SNAPC1: variants seen among roughly 807,000 people sequenced by gnomAD.
SNAPC1 encodes the protein small nuclear RNA activating complex polypeptide 1, also known as snRNA-activating protein complex subunit 1.
In SNAPC1, 42 loss-of-function variants were observed where a neutral mutation model predicts 50.1. The ratio of observed to expected loss-of-function variants is 0.84; its 90% CI spans 0.65 to 1.08. The LOEUF (loss-of-function observed/expected upper bound fraction) is 1.08. Ranked by LOEUF, SNAPC1 falls within the 50% of genes least tolerant of loss-of-function variation. SNAPC1 has a pLI of 0.00. For synonymous variants in SNAPC1, 164 were observed against 144.2 expected, an observed-to-expected ratio of 1.14 and a Z score of -0.98; for missense variants, 477 against 427.3, an observed-to-expected ratio of 1.12 and a Z score of -1.02.
At position 61,776,217 on chromosome 14, in the gene SNAPC1, A is replaced by G. The variant is rs776317462; in HGVS notation, c.657A>G (p.Ile219Met). Residue 219 changes from isoleucine (I) to methionine (M), a missense_variant, in exon 5 of 10, where the codon ATA (isoleucine) becomes ATG (methionine). By Grantham distance (10) the Ile-to-Met change is conservative. Coordinates refer to ENST00000216294, the MANE Select transcript of SNAPC1 (RefSeq NM_003082.4). ...KDDFFDNIKN[I>M]VLEHQQWHKD... ...ATTTTTTTGACAATATTAAGAACATAGTTTTGGAGCATCAGCAGTGGCACA... is the reference window on the plus strand; with the variant it reads ...ATTTTTTTGACAATATTAAGAACATGGTTTTGGAGCATCAGCAGTGGCACA... 6.2e-6 allele frequency: 10 copies of G among 1,613,126 alleles called. No homozygotes were observed. The South Asian group carries it at 7.7e-5, about 12-fold the overall frequency.
chr14:61,779,708 G>GTTTT (rs5809124), intron 7 of SNAPC1, among the ~76,000 whole-genome samples: 7 of 115,506 alleles, frequency 6.1e-5, no homozygotes, highest in East Asian at 2.6e-4. Flanking sequence ...CACTTTGTTG[G>GTTTT]TTTTTTTTTT....
Position 61,762,424 on chromosome 14 carries a change from G to A in SNAPC1, c.-37G>A. The stretch of plus-strand genomic sequence containing the variant: ...ACCACCGCTGGCTAGTCCGTTAGAG[G>A]CGTGCGGGCTTCGGAGGCGTGCGGG... On this transcript the variant is annotated 5_prime_UTR_variant, in exon 1 of 10. Coordinates refer to ENST00000216294, the MANE Select transcript of SNAPC1 (RefSeq NM_003082.4). 1 of 1,604,062 alleles carries A rather than the reference G, an allele frequency of 6.2e-7. No homozygotes were observed. The highest frequency in any genetic ancestry group is 1.3e-5 in the African/African-American group (1 of 74,880).
chr14:61,772,178 C>T (rs925889709), intron 4 of SNAPC1, among the ~76,000 whole-genome samples: 2 of 151,984 alleles, frequency 1.3e-5, no homozygotes, highest in Non-Finnish European at 2.9e-5. Flanking sequence ...CTCACTGCAC[C>T]CTCAGTCTCC....
chr14:61,783,925 G>GA (rs1447043927), intron 8 of SNAPC1, among the ~76,000 whole-genome samples: 1 of 151,920 alleles, frequency 6.6e-6, no homozygotes, highest in African/African-American at 2.4e-5. Context: ...CTTAAGGTGA[G>GA]AAAAAAAGGA....
intron 5 of SNAPC1, among the ~76,000 whole-genome samples, chr14:61,776,677 A>G (rs1419743753): frequency 6.6e-6 from 1 of 152,316 alleles, no homozygotes; most frequent in East Asian, 1.9e-4. Flanking sequence ...AAAATTCTAG[A>G]CATACAACTT....
Position 61,762,484 on chromosome 14 carries a change from G to C in SNAPC1, c.24G>C (p.Gln8His), listed in dbSNP as rs746148723. MGTPPGL[Q>H]TDCEALLSRF... Reference sequence around the variant, plus strand: ...CCATGGGGACTCCTCCCGGCCTGCAGACCGACTGCGAGGCGCTGCTCAGCC... The same window carrying C: ...CCATGGGGACTCCTCCCGGCCTGCACACCGACTGCGAGGCGCTGCTCAGCC... Residue 8 changes from glutamine to histidine, a missense_variant, in exon 1 of 10, where the codon CAG becomes CAC. By Grantham distance (24) the Gln-to-His change is conservative. Transcript: ENST00000216294. The C allele has an allele frequency of 4.0e-6, 5 of 1,241,986 alleles. No individual in the cohort carries two copies. Among genetic ancestry groups the C allele is most frequent in the Non-Finnish European group, 4.3e-6 (4 of 933,168 alleles). The allele number at this position is 1,241,986 out of a possible 1,614,324, so 76.9% of individuals were successfully genotyped here.
chr14:61,784,112 CAGT>C (rs10572439), intron 8 of SNAPC1, among the ~76,000 whole-genome samples: 22,814 of 152,030 alleles, frequency 0.15, 2,052 homozygotes, highest in South Asian at 0.32. Flanking sequence ...AGTCGTGTAA[CAGT>C]AGCTTGAAGT....
chr14:61,774,874 G>T (rs1487701708), intron 4 of SNAPC1, among the ~76,000 whole-genome samples: 1 of 151,816 alleles, frequency 6.6e-6, no homozygotes, highest in African/African-American at 2.4e-5. Flanking sequence ...TGTTGGTCTG[G>T]CTGGTCTCGA....
In SNAPC1 at chr14:61,793,532, C is replaced by T. The variant is rs113308722; in HGVS notation, c.1072+630C>T. Among the ~76,000 whole-genome samples, 1,343 of 152,072 alleles carry T rather than the reference C, an allele frequency of 8.8e-3. 9 individuals are homozygous for T. Among genetic ancestry groups the T allele is most frequent in the Middle Eastern group, 0.031 (9 of 292 alleles). ...TACTGGGATTACAGGCATGAGCCACCGTGCCTGGCCTAGGAATTTGTTTTC... is the reference window on the plus strand; with the variant it reads ...TACTGGGATTACAGGCATGAGCCACTGTGCCTGGCCTAGGAATTTGTTTTC... On this transcript the variant is annotated intron_variant, in intron 9 of 9. Coordinates refer to ENST00000216294, the MANE Select transcript of SNAPC1 (RefSeq NM_003082.4).
At chr14:61,766,010 G>C (rs754324376) in intron 1 of SNAPC1, among the ~76,000 whole-genome samples, 9 of 152,212 alleles carry the variant, frequency 5.9e-5, no homozygotes, top group Non-Finnish European at 1.0e-4. Context: ...AAAAAGTAAA[G>C]TAGAGGTTCT....
At chr14:61,765,616 T>G (rs977911632) in intron 1 of SNAPC1, among the ~76,000 whole-genome samples, 1 of 152,186 alleles carries the variant, frequency 6.6e-6, no homozygotes. Context: ...AAATCAGATA[T>G]GCATCTATCT....
At chr14:61,763,341 A>G (rs1566585936) in intron 1 of SNAPC1, among the ~76,000 whole-genome samples, 1 of 152,014 alleles carries the variant, frequency 6.6e-6, no homozygotes, top group Non-Finnish European at 1.5e-5. Flanking sequence ...TCCCCGACTT[A>G]TTACTCTGTA....
chr14:61,766,345 A>G (rs1370582644), intron 1 of SNAPC1, among the ~76,000 whole-genome samples: 1 of 152,374 alleles, frequency 6.6e-6, no homozygotes, highest in Non-Finnish European at 1.5e-5. Context: ...GTCCCGTTCC[A>G]GCCAATAGAA....
chr14:61,763,943 T>A (rs944563351), intron 1 of SNAPC1, among the ~76,000 whole-genome samples: 3 of 152,164 alleles, frequency 2.0e-5, no homozygotes, highest in East Asian at 1.9e-4. Flanking sequence ...TATTATTATT[T>A]TTTTTTCTTG....
intron 9 of SNAPC1, among the ~76,000 whole-genome samples, chr14:61,794,435 T>C (rs2045173895): frequency 6.6e-6 from 1 of 152,210 alleles, no homozygotes; most frequent in Admixed American, 6.5e-5. Context: ...AGATGGAGTC[T>C]CGCTCTGTCG....
intron 8 of SNAPC1, among the ~76,000 whole-genome samples, chr14:61,785,671 G>T (rs967406381): frequency 6.6e-6 from 1 of 152,180 alleles, no homozygotes; most frequent in Admixed American, 6.5e-5. Context: ...ACATTGGTTT[G>T]GTCTGGTAAG....
Position 61,795,595 on chromosome 14 carries a change from G to A in SNAPC1, c.*612G>A, listed in dbSNP as rs942809089. The stretch of plus-strand genomic sequence containing the variant: ...TTTATTATTACTAAATACTAATTAA[G>A]TACTAACAAGTACTTAAATACTAAT... On this transcript the variant is annotated 3_prime_UTR_variant, in exon 10 of 10. Transcript: ENST00000216294. 1.3e-5 allele frequency: 2 copies of A among 151,668 alleles called. No individual in the cohort carries two copies. Among genetic ancestry groups the A allele is most frequent in the African/African-American group, 4.9e-5 (2 of 41,228 alleles). 9.4% of individuals were successfully genotyped at this position (151,668 alleles called of 1,614,324 possible).
intron 4 of SNAPC1, 57 bp downstream of exon 4, chr14:61,768,797 A>G (rs1328650047): frequency 3.5e-6 from 3 of 866,340 alleles, no homozygotes; most frequent in South Asian, 1.4e-5. Flanking sequence ...TGCCAACTAC[A>G]TATTGAGGTT....
chr14:61,770,855 C>CCT (rs2044984748), intron 4 of SNAPC1, among the ~76,000 whole-genome samples: 2 of 152,134 alleles, frequency 1.3e-5, no homozygotes, highest in Admixed American at 1.3e-4. Flanking sequence ...GATACTCATG[C>CCT]CTCAGCCTCT....
Sources: gnomAD v4.1 joint callset for allele counts (sites outside exome capture counted in the v4.1 genomes callset) on GRCh38, gnomAD v4.1.1 for gene constraint, MANE v1.5 for transcripts, NCBI Gene and HGNC (gene_info 2026-07-23, HGNC 2026-07-21) for gene names.